ZNF609: variants seen among roughly 807,000 people sequenced by gnomAD.
ZNF609 encodes zinc finger protein 609.
A neutral mutation model predicts 109.5 loss-of-function variants in ZNF609; 11 were observed. That is an observed-to-expected ratio of 0.10 (90% confidence interval 0.06 to 0.17). The LOEUF (loss-of-function observed/expected upper bound fraction) is 0.17. ZNF609 is among the 10% of genes least tolerant of loss of function. The probability of loss-of-function intolerance (pLI) is 1.00; values close to 1 mark genes in which losing one functional copy is unlikely to be tolerated. For missense variants in ZNF609, 1,559 were observed against 1,772.4 expected (o/e 0.88, Z 2.16); for synonymous variants, 646 against 662.0 (o/e 0.98, Z 0.37).
intron 2 of ZNF609, among the ~76,000 whole-genome samples, chr15:64,514,929 G>A (rs553962315): frequency 2.0e-5 from 3 of 152,052 alleles, no homozygotes; most frequent in South Asian, 2.1e-4. Flanking sequence ...GAGCCACTGC[G>A]CCCACCCTTT....
intron 1 of ZNF609, among the ~76,000 whole-genome samples, chr15:64,495,532 T>G (rs996829182): frequency 7.9e-5 from 12 of 151,968 alleles, no homozygotes; most frequent in Non-Finnish European, 1.8e-4. Context: ...TAGCTGAGAT[T>G]ATAAGATGTA....
chr15:64,462,945 A>G (rs979086620), intron 1 of ZNF609, among the ~76,000 whole-genome samples: 1 of 152,232 alleles, frequency 6.6e-6, no homozygotes, highest in Admixed American at 6.5e-5. Flanking sequence ...ATATTTATGT[A>G]CTATTAGTTG....
intron 2 of ZNF609, among the ~76,000 whole-genome samples, chr15:64,505,838 T>G (rs1448574073): frequency 6.6e-6 from 1 of 152,076 alleles, no homozygotes; most frequent in Non-Finnish European, 1.5e-5. Context: ...ACATCAACTC[T>G]TATGTATAAT....
intron 2 of ZNF609, among the ~76,000 whole-genome samples, chr15:64,574,523 A>C (rs1382526730): frequency 1.3e-5 from 2 of 152,148 alleles, no homozygotes; most frequent in East Asian, 3.8e-4. Context: ...GTTGGTGGCT[A>C]CAGGCAAGTA....
chr15:64,620,829 G>T (rs1182204609), intron 2 of ZNF609, among the ~76,000 whole-genome samples: 1 of 152,190 alleles, frequency 6.6e-6, no homozygotes, highest in African/African-American at 2.4e-5. Flanking sequence ...CCAGACCTCA[G>T]CCTATAGGCT....
intron 1 of ZNF609, among the ~76,000 whole-genome samples, chr15:64,463,603 T>TTC (rs922642719): frequency 1.3e-5 from 2 of 152,226 alleles, no homozygotes; most frequent in African/African-American, 4.8e-5. Context: ...GTAAAGGTCT[T>TTC]TCTGAGGCAA....
At chr15:64,667,965 G>T (rs377659191) in intron 3 of ZNF609, among the ~76,000 whole-genome samples, 32 of 152,288 alleles carry the variant, frequency 2.1e-4, no homozygotes, top group African/African-American at 7.2e-4. Context: ...AAGCTTTAAG[G>T]AGTTGGGAAG....
chr15:64,498,162 G>A (rs1050291973), intron 1 of ZNF609, among the ~76,000 whole-genome samples: 1 of 151,970 alleles, frequency 6.6e-6, no homozygotes, highest in Non-Finnish European at 1.5e-5. Context: ...TGATTCTTCT[G>A]CCTCAGCCTC....
chr15:64,479,802 C>G (rs1340985797), intron 1 of ZNF609, among the ~76,000 whole-genome samples: 2 of 151,802 alleles, frequency 1.3e-5, no homozygotes, highest in Non-Finnish European at 2.9e-5. Context: ...ACCTGTAATC[C>G]CAGCTACTCA....
At chr15:64,528,484 A>G (rs1201544950) in intron 2 of ZNF609, among the ~76,000 whole-genome samples, 1 of 151,358 alleles carries the variant, frequency 6.6e-6, no homozygotes, top group Non-Finnish European at 1.5e-5. Flanking sequence ...AGCACAAGGC[A>G]CTTTATTGAT....
At chr15:64,640,397 C>CT (rs113778164) in intron 3 of ZNF609, among the ~76,000 whole-genome samples, 2,300 of 143,966 alleles carry the variant, frequency 0.016, 47 homozygotes, top group African/African-American at 0.051. Context: ...CTTGTGCTTT[C>CT]TTTTTTTTTT....
intron 2 of ZNF609, among the ~76,000 whole-genome samples, chr15:64,578,318 T>G (rs1400377057): frequency 2.0e-5 from 3 of 152,210 alleles, no homozygotes; most frequent in African/African-American, 7.2e-5. Context: ...CATTAGTCTA[T>G]TTTAGTTATC....
At chr15:64,538,264 GGTC>G (rs1894187990) in intron 2 of ZNF609, among the ~76,000 whole-genome samples, 1 of 152,150 alleles carries the variant, frequency 6.6e-6, no homozygotes, top group South Asian at 2.1e-4. Context: ...AGTATATTGA[GGTC>G]TAATGCTAGA....
At chr15:64,529,010 G>A in intron 2 of ZNF609, 1 of 1,508,100 alleles carries the variant, frequency 6.6e-7, no homozygotes, top group Middle Eastern at 2.4e-4. Context: ...TTCAGCTCAG[G>A]GATGACCTTA....
chr15:64,607,812 TTTTCTTCTTTCTTTC>T (rs1895628382), intron 2 of ZNF609, among the ~76,000 whole-genome samples: 1 of 143,426 alleles, frequency 7.0e-6, no homozygotes, highest in Admixed American at 7.1e-5. Flanking sequence ...GCCTTAAATG[TTTTCTTCTTTCTTTC>T]TTTCTTTCTT....
chr15:64,680,413 T>G (rs1411928672), intron 7 of ZNF609, 53 bp downstream of exon 7: 1 of 1,592,866 alleles, frequency 6.3e-7, no homozygotes, highest in African/African-American at 1.3e-5. Context: ...TAAGGCCAGA[T>G]CCAGGGTCTG....
intron 2 of ZNF609, chr15:64,529,572 G>A: frequency 7.3e-7 from 1 of 1,366,278 alleles, no homozygotes; most frequent in Non-Finnish European, 1.0e-6. Flanking sequence ...AGGGGTCATT[G>A]ATGGCAACAA....
At chr15:64,478,578 A>G (rs555169802) in intron 1 of ZNF609, among the ~76,000 whole-genome samples, 109 of 152,180 alleles carry the variant, frequency 7.2e-4, no homozygotes, top group African/African-American at 2.4e-3. Flanking sequence ...GGGTTTCACC[A>G]TGTTGGCCAG....
chr15:64,592,004 C>T (rs769692352), intron 2 of ZNF609, among the ~76,000 whole-genome samples: 3 of 151,934 alleles, frequency 2.0e-5, no homozygotes, highest in South Asian at 2.1e-4. Context: ...CCACCACACC[C>T]GGCCTTTTTT....
Sources: gnomAD v4.1 joint callset for allele counts (sites outside exome capture counted in the v4.1 genomes callset) on GRCh38, gnomAD v4.1.1 for gene constraint, MANE v1.5 for transcripts, NCBI Gene and HGNC (gene_info 2026-07-23, HGNC 2026-07-21) for gene names.